The following ANK3 variants were observed in gnomAD, a reference collection of about 807,000 sequenced individuals.
ANK3 encodes the protein ankyrin-3.
Under a neutral mutation model 370.9 loss-of-function variants are expected in ANK3, and 57 were observed. The ratio of observed to expected loss-of-function variants is 0.15; its 90% CI spans 0.12 to 0.19. The LOEUF is 0.19. ANK3 is among the 10% of genes least tolerant of loss of function. The pLI, the probability that ANK3 is intolerant of heterozygous loss-of-function variation, is 1.00. For missense variants in ANK3, 4,439 were observed against 5,302.1 expected, an observed-to-expected ratio of 0.84 and a Z score of 5.06; for synonymous variants, 1,929 against 1,946.3, an observed-to-expected ratio of 0.99 and a Z score of 0.23.
At chr10:60,352,095 A>T (rs2056976168) in intron 1 of ANK3, among the ~76,000 whole-genome samples, 1 of 152,190 alleles carries the variant, frequency 6.6e-6, no homozygotes. Context: ...TGGGAGTTCG[A>T]GACCAGTCTG....
intron 2 of ANK3, among the ~76,000 whole-genome samples, chr10:60,404,587 C>T (rs929208255): frequency 2.0e-5 from 3 of 152,108 alleles, no homozygotes; most frequent in African/African-American, 4.8e-5. Flanking sequence ...AAAAATCATA[C>T]ATCTAGACAT....
intron 2 of ANK3, among the ~76,000 whole-genome samples, chr10:60,489,722 T>G (rs901538246): frequency 5.9e-5 from 9 of 152,234 alleles, no homozygotes; most frequent in Admixed American, 2.0e-4. Flanking sequence ...TAATTTTCTT[T>G]AAAATATGTA....
upstream of ANK3, among the ~76,000 whole-genome samples, chr10:60,391,808 A>G (rs2063116975): frequency 6.6e-6 from 1 of 152,236 alleles, no homozygotes; most frequent in African/African-American, 2.4e-5. Flanking sequence ...ACTTCTCTCT[A>G]GAATAACTCT....
chr10:60,246,279 A>G (rs1432335654), intron 7 of ANK3, among the ~76,000 whole-genome samples: 2 of 133,930 alleles, frequency 1.5e-5, no homozygotes, highest in East Asian at 5.6e-4. Context: ...AAAAAAAAAA[A>G]AAGAAAAAAG....
intron 8 of ANK3, among the ~76,000 whole-genome samples, chr10:60,226,573 T>TATACTATAGTATATATACATA (rs1491139456): frequency 3.3e-4 from 7 of 20,912 alleles, no homozygotes; most frequent in African/African-American, 8.2e-4. Flanking sequence ...ACATAGTATA[T>TATACTATAGTATATATACATA]GTATATATAC....
intron 1 of ANK3, among the ~76,000 whole-genome samples, chr10:60,632,915 CAT>C (rs1491081347): frequency 1.7e-4 from 25 of 151,316 alleles, no homozygotes; most frequent in Non-Finnish European, 3.4e-4. Flanking sequence ...AAAAAAAAAC[CAT>C]ACTTATTCTT....
intron 2 of ANK3, among the ~76,000 whole-genome samples, chr10:60,498,630 A>T (rs2075719390): frequency 6.6e-6 from 1 of 152,158 alleles, no homozygotes; most frequent in Non-Finnish European, 1.5e-5. Context: ...GCCTCAAGTG[A>T]TCCTCCCATC....
At chr10:60,037,965 T>G (rs1409608472) in intron 43 of ANK3, among the ~76,000 whole-genome samples, 3 of 152,246 alleles carry the variant, frequency 2.0e-5, no homozygotes, top group Admixed American at 6.5e-5. Context: ...TGTTATTTTT[T>G]GAGTTTTTAA....
intron 25 of ANK3, among the ~76,000 whole-genome samples, chr10:60,121,120 C>T (rs923946528): frequency 2.6e-5 from 4 of 152,006 alleles, no homozygotes; most frequent in Non-Finnish European, 5.9e-5. Context: ...GTACACGCAA[C>T]GGAGTACTGT....
At chr10:60,712,695 C>T (rs965953180) in intron 1 of ANK3, among the ~76,000 whole-genome samples, 3 of 152,060 alleles carry the variant, frequency 2.0e-5, no homozygotes, top group African/African-American at 7.2e-5. Flanking sequence ...GAACACCCAA[C>T]TATATGTTGT....
At chr10:60,647,703 A>G (rs559525350) in intron 1 of ANK3, among the ~76,000 whole-genome samples, 2 of 152,290 alleles carry the variant, frequency 1.3e-5, no homozygotes, top group Admixed American at 6.5e-5. Flanking sequence ...CTGTTCATAG[A>G]TATCAGTTGC....
chr10:60,138,665 A>T, intron 24 of ANK3: 1 of 472,358 alleles, frequency 2.1e-6, no homozygotes. Flanking sequence ...TATGTGACTC[A>T]GATTGGTTCT....
chr10:60,035,076 T>A (rs182173844), intron 43 of ANK3, among the ~76,000 whole-genome samples: 3 of 152,270 alleles, frequency 2.0e-5, no homozygotes, highest in Non-Finnish European at 4.4e-5. Context: ...AAGAAAAACC[T>A]AACAGTAATA....
intron 1 of ANK3, among the ~76,000 whole-genome samples, chr10:60,690,026 T>C (rs2079328468): frequency 6.6e-6 from 1 of 152,114 alleles, no homozygotes; most frequent in Non-Finnish European, 1.5e-5. Context: ...CCTGGGCATG[T>C]AAAGAGAAAG....
chr10:60,364,345 AT>A (rs1322092600), intron 1 of ANK3, among the ~76,000 whole-genome samples: 1 of 151,994 alleles, frequency 6.6e-6, no homozygotes, highest in Non-Finnish European at 1.5e-5. Context: ...TCTAGAAATG[AT>A]GTAAAGAGGT....
chr10:60,240,064 T>C (rs1249951234), intron 7 of ANK3, among the ~76,000 whole-genome samples: 4 of 68,002 alleles, frequency 5.9e-5, no homozygotes, highest in East Asian at 8.0e-4. Flanking sequence ...TACACATATA[T>C]ACATATATAT....
At chr10:60,098,649 G>T (rs1480908376) in intron 28 of ANK3, among the ~76,000 whole-genome samples, 2 of 152,138 alleles carry the variant, frequency 1.3e-5, no homozygotes, top group Non-Finnish European at 2.9e-5. Context: ...ACATCATAGA[G>T]ATCTTTTCAA....
intron 1 of ANK3, among the ~76,000 whole-genome samples, chr10:60,382,792 T>G (rs1433718663): frequency 1.5e-5 from 1 of 66,828 alleles, no homozygotes; most frequent in Admixed American, 2.4e-4. Flanking sequence ...AACCTATACC[T>G]AAATCTATAT....
At chr10:60,607,329 T>C (rs1488338460) in intron 2 of ANK3, among the ~76,000 whole-genome samples, 14 of 152,026 alleles carry the variant, frequency 9.2e-5, no homozygotes, top group Admixed American at 3.3e-4. Flanking sequence ...ACAGTAAGGA[T>C]TGGGACTAAA....
Sources: gnomAD v4.1 joint callset for allele counts (sites outside exome capture counted in the v4.1 genomes callset) on GRCh38, gnomAD v4.1.1 for gene constraint, MANE v1.5 for transcripts, NCBI Gene and HGNC (gene_info 2026-07-23, HGNC 2026-07-21) for gene names.